Variants in GLT8D2 observed in about 807,000 individuals in gnomAD.
The protein encoded by GLT8D2 is glycosyltransferase 8 domain-containing protein 2.
In GLT8D2, 45 loss-of-function variants were observed where a neutral mutation model predicts 44.5. That is an observed-to-expected ratio of 1.01 (90% CI 0.80 to 1.30). The LOEUF (loss-of-function observed/expected upper bound fraction) is 1.30. Among genes scored for constraint, GLT8D2 ranks in the 50% most tolerant of loss-of-function variants. GLT8D2 has a pLI of 0.00. For missense variants in GLT8D2, 400 were observed against 430.4 expected, an observed-to-expected ratio of 0.93 and a Z score of 0.62; for synonymous variants, 156 against 157.2, an observed-to-expected ratio of 0.99 and a Z score of 0.06.
chr12:104,047,086 C>T (rs2583270), intron 1 of GLT8D2, among the ~76,000 whole-genome samples: 66,009 of 151,926 alleles, frequency 0.43, 15,944 homozygotes, highest in Non-Finnish European at 0.54. Flanking sequence ...ACCTTACCCT[C>T]CCAAAGTGCT....
chr12:104,030,984 C>T, intron 1 of GLT8D2: 1 of 1,332,494 alleles, frequency 7.5e-7, no homozygotes, highest in Non-Finnish European at 1.1e-6. Flanking sequence ...ACCCTCTGGA[C>T]AGTGCTAGAT....
chr12:104,061,093 C>G (rs1258094263), intron 1 of GLT8D2, among the ~76,000 whole-genome samples: 2 of 152,168 alleles, frequency 1.3e-5, no homozygotes, highest in African/African-American at 4.8e-5. Context: ...ACAGGTTTTG[C>G]AGGGATCACA....
chr12:104,056,207 C>A (rs1882173298), intron 1 of GLT8D2, among the ~76,000 whole-genome samples: 1 of 152,206 alleles, frequency 6.6e-6, no homozygotes, highest in African/African-American at 2.4e-5. Flanking sequence ...ATGGCTGGAG[C>A]CCTGCAATCT....
chr12:104,060,193 CT>C (rs1882513153), intron 1 of GLT8D2, among the ~76,000 whole-genome samples: 1 of 152,130 alleles, frequency 6.6e-6, no homozygotes, highest in Admixed American at 6.5e-5. Context: ...ACCCAGTTCC[CT>C]TTTAACTTCT....
At chr12:104,043,074 T>C (rs568964976) in intron 1 of GLT8D2, among the ~76,000 whole-genome samples, 63 of 152,300 alleles carry the variant, frequency 4.1e-4, no homozygotes, top group Admixed American at 1.6e-3. Flanking sequence ...CGCTCTCTCC[T>C]CCTTACATGC....
chr12:103,992,103 C>G (rs964679689), intron 10 of GLT8D2, among the ~76,000 whole-genome samples: 31 of 152,196 alleles, frequency 2.0e-4, no homozygotes, highest in African/African-American at 7.2e-4. Flanking sequence ...TTCTAAACTT[C>G]CAAACATGTC....
At chr12:104,039,608 A>C (rs1343083858) in intron 1 of GLT8D2, among the ~76,000 whole-genome samples, 3 of 152,204 alleles carry the variant, frequency 2.0e-5, no homozygotes, top group Admixed American at 1.3e-4. Flanking sequence ...ACCATCTCAC[A>C]CCAGTTAGAA....
chr12:104,038,308 G>T (rs961794139), intron 1 of GLT8D2, among the ~76,000 whole-genome samples: 1 of 152,156 alleles, frequency 6.6e-6, no homozygotes, highest in Non-Finnish European at 1.5e-5. Flanking sequence ...AATCAGGCAG[G>T]AGAAAGAAAT....
chr12:103,993,613 A>C (rs1486324266), intron 9 of GLT8D2, 109 bp from the exon 10 acceptor site: 1 of 686,134 alleles, frequency 1.5e-6, no homozygotes, highest in Non-Finnish European at 2.4e-6. Flanking sequence ...CTATGTACTA[A>C]GACTTATGGC....
At chr12:104,037,273 C>T (rs1880016770) in intron 1 of GLT8D2, among the ~76,000 whole-genome samples, 1 of 152,142 alleles carries the variant, frequency 6.6e-6, no homozygotes, top group African/African-American at 2.4e-5. Flanking sequence ...CAAGAGCAAA[C>T]ACATTCAAAA....
At position 103,993,520 on chromosome 12, in the gene GLT8D2, G is replaced by T; in HGVS notation, c.768-16C>A. 1 of 1,527,136 alleles carries T rather than the reference G, an allele frequency of 6.5e-7. No homozygotes were observed. The highest frequency in any genetic ancestry group is 1.2e-5 in the South Asian group (1 of 80,808). 94.6% of individuals were successfully genotyped at this position (1,527,136 alleles called of 1,614,324 possible). A position where few individuals can be genotyped will look rare whatever the true frequency, so the allele number is the denominator to read the frequency against. On this transcript the variant is annotated splice_polypyrimidine_tract_variant and intron_variant, in intron 9 of 10. Transcript: ENST00000360814. The stretch of plus-strand genomic sequence containing the variant: ...GAGGTTTTCCCTAAGAAATGAAATA[G>T]AAAAACAACATTTGGCCTGGAGCCC...
chr12:103,996,875 A>T, intron 7 of GLT8D2, 28 bp from the exon 8 acceptor site: 1 of 1,507,414 alleles, frequency 6.6e-7, no homozygotes, highest in Non-Finnish European at 9.2e-7. Flanking sequence ...ACCAAGTAAA[A>T]CATTATAGCA....
chr12:104,042,446 G>A (rs1593569349), intron 1 of GLT8D2, among the ~76,000 whole-genome samples: 1 of 152,200 alleles, frequency 6.6e-6, no homozygotes, highest in African/African-American at 2.4e-5. Context: ...ATGTGTTTAA[G>A]CTGCCGTAAA....
chr12:104,042,828 T>C (rs1880705094), intron 1 of GLT8D2, among the ~76,000 whole-genome samples: 1 of 152,104 alleles, frequency 6.6e-6, no homozygotes, highest in Non-Finnish European at 1.5e-5. Flanking sequence ...GTTGATGAAT[T>C]TGTGTTGGGC....
chr12:103,995,730 G>C (rs1288541379), intron 8 of GLT8D2, among the ~76,000 whole-genome samples: 1 of 152,174 alleles, frequency 6.6e-6, no homozygotes, highest in African/African-American at 2.4e-5. Flanking sequence ...GTTGTACAGG[G>C]CAGGACATAC....
At chr12:104,055,498 T>C (rs1882108080) in intron 1 of GLT8D2, among the ~76,000 whole-genome samples, 1 of 152,180 alleles carries the variant, frequency 6.6e-6, no homozygotes, top group South Asian at 2.1e-4. Context: ...GTGAGGAAAA[T>C]AAACCCTTAA....
Position 104,003,213 on chromosome 12 carries a change from A to G in GLT8D2, c.206T>C (p.Ile69Thr), listed in dbSNP as rs1566193445. Residue 69 changes from isoleucine to threonine, a missense_variant, in exon 5 of 11, where the codon ATC becomes ACC. Coordinates refer to ENST00000360814, the MANE Select transcript of GLT8D2 (RefSeq NM_001384711.1). ...GTCAGTGTTGCTGTAGATGCTATTG[A>G]TGGCAGCCATAGTGGCACCCATCCT... ...AGRMGATMAAINSIYSNTDAN... is the reference protein window; with the variant it reads ...AGRMGATMAATNSIYSNTDAN... 6.2e-7 allele frequency: 1 copy of G among 1,614,074 alleles called. No homozygotes were observed. The highest frequency in any genetic ancestry group is 2.2e-5 in the East Asian group (1 of 44,882).
intron 4 of GLT8D2, chr12:104,012,586 A>C: frequency 4.8e-6 from 2 of 418,764 alleles, no homozygotes; most frequent in Non-Finnish European, 8.4e-6. Context: ...TGAAGCATGA[A>C]GAGTGGAGTC....
At chr12:104,050,626 G>A (rs1043034271), upstream of GLT8D2, among the ~76,000 whole-genome samples, 1 of 152,128 alleles carries the variant, frequency 6.6e-6, no homozygotes, top group Non-Finnish European at 1.5e-5. Flanking sequence ...AATCTGCGCT[G>A]TTCTGTATCT....
Sources: gnomAD v4.1 joint callset for allele counts (sites outside exome capture counted in the v4.1 genomes callset) on GRCh38, gnomAD v4.1.1 for gene constraint, MANE v1.5 for transcripts, NCBI Gene and HGNC (gene_info 2026-07-23, HGNC 2026-07-21) for gene names.